Variants in PPARGC1A observed in about 807,000 individuals in gnomAD.
The protein encoded by PPARGC1A is PPARG coactivator 1 alpha.
PPARGC1A carries 25 observed loss-of-function variants against 88.7 expected under a neutral mutation model. The ratio of observed to expected loss-of-function variants is 0.28; its 90% CI spans 0.21 to 0.39. The LOEUF is 0.39. Ranked by LOEUF, PPARGC1A falls within the 10% of genes least tolerant of loss-of-function variation. PPARGC1A has a pLI of 1.00. For missense variants in PPARGC1A, 880 were observed against 968.7 expected, an observed-to-expected ratio of 0.91 and a Z score of 1.22; for synonymous variants, 363 against 355.6, an observed-to-expected ratio of 1.02 and a Z score of -0.24.
At chr4:24,131,827 C>A in the PPARGC1A span, among the ~76,000 whole-genome samples, 3 of 152,170 alleles carry the variant, frequency 2.0e-5, no homozygotes, top group Non-Finnish European at 4.4e-5. Context: ...TTAGAAGGAA[C>A]CATTTTTCGT....
chr4:24,110,095 G>T, the PPARGC1A span, among the ~76,000 whole-genome samples: 3 of 152,110 alleles, frequency 2.0e-5, no homozygotes, highest in Non-Finnish European at 4.4e-5. Context: ...TGACTTATTT[G>T]CCCTGCTCCA....
chr4:23,954,867 C>T, the PPARGC1A span, among the ~76,000 whole-genome samples: 1 of 151,982 alleles, frequency 6.6e-6, no homozygotes, highest in Non-Finnish European at 1.5e-5. Context: ...CTTAACACCA[C>T]AGCCCAAATA....
At chr4:24,434,793 T>C in the PPARGC1A span, among the ~76,000 whole-genome samples, 1 of 152,214 alleles carries the variant, frequency 6.6e-6, no homozygotes, top group African/African-American at 2.4e-5. Flanking sequence ...CTAATTCTTT[T>C]GTCCATTCAT....
the PPARGC1A span, among the ~76,000 whole-genome samples, chr4:24,089,381 G>T: frequency 1.3e-5 from 2 of 152,122 alleles, no homozygotes; most frequent in East Asian, 3.9e-4. Context: ...TGTTCAAGAG[G>T]TACAGAAGCA....
the PPARGC1A span, among the ~76,000 whole-genome samples, chr4:23,924,325 C>A: frequency 1.3e-5 from 2 of 152,212 alleles, no homozygotes; most frequent in Admixed American, 1.3e-4. Context: ...TTAGTGTTCA[C>A]AGTAGATGTT....
intron 2 of PPARGC1A, among the ~76,000 whole-genome samples, chr4:23,867,911 G>A (rs1396006701): frequency 6.6e-6 from 1 of 152,206 alleles, no homozygotes. Flanking sequence ...AAAAACAGTT[G>A]CAAAAATTTT....
the PPARGC1A span, among the ~76,000 whole-genome samples, chr4:24,285,467 A>G: frequency 2.3e-3 from 356 of 152,304 alleles, 3 homozygotes; most frequent in African/African-American, 8.2e-3. Flanking sequence ...GATTCTGCCA[A>G]ACAGAAGTGA....
At chr4:23,926,717 A>T in the PPARGC1A span, among the ~76,000 whole-genome samples, 1 of 152,216 alleles carries the variant, frequency 6.6e-6, no homozygotes, top group Non-Finnish European at 1.5e-5. Context: ...ATTCTTTAAG[A>T]ATCAGCTCAG....
chr4:24,140,352 T>A, the PPARGC1A span, among the ~76,000 whole-genome samples: 3 of 152,224 alleles, frequency 2.0e-5, no homozygotes, highest in Non-Finnish European at 4.4e-5. Flanking sequence ...ACCTATCTGA[T>A]CACAGGCTCT....
the PPARGC1A span, among the ~76,000 whole-genome samples, chr4:24,091,253 A>G: frequency 6.6e-6 from 1 of 152,254 alleles, no homozygotes; most frequent in African/African-American, 2.4e-5. Flanking sequence ...AGATTTGTAA[A>G]GCCCTATTAG....
At chr4:24,184,498 C>T in the PPARGC1A span, among the ~76,000 whole-genome samples, 1 of 152,220 alleles carries the variant, frequency 6.6e-6, no homozygotes. Flanking sequence ...CAACTAATCT[C>T]ATCAGGTTCC....
the PPARGC1A span, among the ~76,000 whole-genome samples, chr4:24,317,655 T>C: frequency 4.7e-5 from 7 of 148,368 alleles, no homozygotes; most frequent in African/African-American, 1.2e-4. Flanking sequence ...ACCTGGCATC[T>C]TGTAGACAGA....
At chr4:24,327,949 T>G in the PPARGC1A span, among the ~76,000 whole-genome samples, 6 of 151,878 alleles carry the variant, frequency 4.0e-5, no homozygotes, top group African/African-American at 1.4e-4. Flanking sequence ...CTTAACTGAG[T>G]GATTAACCCC....
intron 2 of PPARGC1A, among the ~76,000 whole-genome samples, chr4:23,834,165 T>C (rs1406073998): frequency 3.3e-5 from 5 of 152,130 alleles, no homozygotes; most frequent in African/African-American, 9.7e-5. Flanking sequence ...CCAGGCGTGG[T>C]GGCGGACGCC....
the PPARGC1A span, among the ~76,000 whole-genome samples, chr4:24,076,498 G>C: frequency 6.6e-6 from 1 of 152,104 alleles, no homozygotes; most frequent in African/African-American, 2.4e-5. Flanking sequence ...ATTGAGTGGG[G>C]AATTTCTATT....
chr4:24,028,320 A>G, the PPARGC1A span, among the ~76,000 whole-genome samples: 3 of 152,220 alleles, frequency 2.0e-5, no homozygotes, highest in African/African-American at 7.2e-5. Flanking sequence ...AGACACATTG[A>G]CATGTGGAAT....
the PPARGC1A span, among the ~76,000 whole-genome samples, chr4:24,191,708 C>A: frequency 9.2e-5 from 14 of 152,274 alleles, no homozygotes; most frequent in South Asian, 2.5e-3. Context: ...AATTTCATCT[C>A]GCAGAGGAGG....
At chr4:24,323,478 T>A in the PPARGC1A span, among the ~76,000 whole-genome samples, 1 of 152,136 alleles carries the variant, frequency 6.6e-6, no homozygotes, top group Non-Finnish European at 1.5e-5. Context: ...AGTTTCCTTC[T>A]CCTGGCTCAG....
the PPARGC1A span, among the ~76,000 whole-genome samples, chr4:24,027,654 T>C: frequency 6.6e-6 from 1 of 152,200 alleles, no homozygotes; most frequent in Non-Finnish European, 1.5e-5. Context: ...GAAATTTAAT[T>C]ACTGATCAGT....
Sources: gnomAD v4.1 joint callset for allele counts (sites outside exome capture counted in the v4.1 genomes callset) on GRCh38, gnomAD v4.1.1 for gene constraint, MANE v1.5 for transcripts, NCBI Gene and HGNC (gene_info 2026-07-23, HGNC 2026-07-21) for gene names.